Variants in RABEP1 observed in about 807,000 individuals in gnomAD.
RABEP1 encodes the protein rabaptin, RAB GTPase binding effector protein 1.
In RABEP1, 51 loss-of-function variants were observed where a neutral mutation model predicts 123.4. That is an observed-to-expected ratio of 0.41 (90% CI 0.33 to 0.52). The LOEUF (loss-of-function observed/expected upper bound fraction) is 0.52. Among genes scored for constraint, RABEP1 ranks in the 20% least tolerant of loss-of-function variants. The pLI is 0.16. For synonymous variants in RABEP1, 347 were observed against 355.2 expected (o/e 0.98, Z 0.26); for missense variants, 888 against 996.3 (o/e 0.89, Z 1.46).
At chr17:5,305,528 G>A (rs1175255930) in intron 1 of RABEP1, among the ~76,000 whole-genome samples, 3 of 152,056 alleles carry the variant, frequency 2.0e-5, no homozygotes, top group African/African-American at 7.2e-5. Context: ...TAATGTTGAG[G>A]GGTATGGGTG....
intron 1 of RABEP1, among the ~76,000 whole-genome samples, chr17:5,302,919 A>G (rs2075148598): frequency 6.6e-6 from 1 of 152,210 alleles, no homozygotes; most frequent in Admixed American, 6.5e-5. Context: ...TTGTGTTGAA[A>G]TATTTTAAGA....
In RABEP1 at chr17:5,373,441, C is replaced by T. The variant is rs1480080122; in HGVS notation, c.2012C>T (p.Pro671Leu). The T allele has an allele frequency of 6.2e-7, 1 of 1,609,848 alleles. No individual in the cohort carries two copies. Among genetic ancestry groups the T allele is most frequent in the Admixed American group, 1.7e-5 (1 of 59,086 alleles). ...SLQQAEDFIL[P>L]DTTEALRELV... ...CAGCAAGCAGAAGACTTCATCCTCC[C>T]AGACACTACAGAGGTAACTTACTTT... is the stretch of plus-strand genomic sequence containing the variant. The change falls in exon 13 of 18, where the codon CCA becomes CTA. Residue 671 changes from proline to leucine, a missense_variant. Coordinates refer to ENST00000537505, the MANE Select transcript of RABEP1 (RefSeq NM_004703.6).
intron 3 of RABEP1, among the ~76,000 whole-genome samples, chr17:5,333,493 T>C (rs750960337): frequency 1.3e-5 from 2 of 152,196 alleles, no homozygotes; most frequent in Non-Finnish European, 2.9e-5. Context: ...TGTGAAATAG[T>C]GATGACTTTT....
chr17:5,311,656 A>G (rs1372605536), intron 2 of RABEP1, among the ~76,000 whole-genome samples: 1 of 138,998 alleles, frequency 7.2e-6, no homozygotes, highest in African/African-American at 2.7e-5. Context: ...AGATTGTGCC[A>G]CTGCACTCCA....
Position 5,308,649 on chromosome 17 carries a change from A to G in RABEP1, c.35-45A>G, listed in dbSNP as rs375158160. 30 of 1,548,430 alleles carry G rather than the reference A, an allele frequency of 1.9e-5. No homozygotes were observed. In the African/African-American group the frequency reaches 4.2e-4, roughly 22 times the overall value. On this transcript the variant is annotated intron_variant, in intron 1 of 17. Transcript: ENST00000537505. Reference sequence around the variant, plus strand: ...TACTAATTTACTGTTTTATAAATTTATGAATAAAAGTTATTACTTGTTAAC... The same window carrying G: ...TACTAATTTACTGTTTTATAAATTTGTGAATAAAAGTTATTACTTGTTAAC...
At chr17:5,354,236 G>T (rs78216788) in intron 7 of RABEP1, 123 bp from the exon 8 acceptor site, 3 of 839,328 alleles carry the variant, frequency 3.6e-6, no homozygotes, top group Non-Finnish European at 5.3e-6. Flanking sequence ...ACAAAGAAGC[G>T]TAAGTATCCA....
rs368832529 is a variant in RABEP1 at position 5,381,395 on chromosome 17, G to A, written c.2377G>A (p.Val793Ile). ...LKKETAAKAT[V>I]EQLMFEEKNK... ...CAAAACTTGTATTTTTTAGGCTACC[G>A]TTGAACAACTAATGTTTGAAGAGAA... The change falls in exon 17 of 18, where the codon GTT (valine) becomes ATT (isoleucine). Residue 793 changes from valine (V) to isoleucine (I), a missense_variant. Coordinates refer to ENST00000537505, the MANE Select transcript of RABEP1 (RefSeq NM_004703.6). 176 of 1,610,530 alleles carry A rather than the reference G, an allele frequency of 1.1e-4. No individual in the cohort carries two copies. Among genetic ancestry groups the A allele is most frequent in the Non-Finnish European group, 1.3e-4 (155 of 1,178,998 alleles).
At chr17:5,364,899 G>A (rs1909881760) in intron 10 of RABEP1, among the ~76,000 whole-genome samples, 1 of 152,090 alleles carries the variant, frequency 6.6e-6, no homozygotes, top group Admixed American at 6.6e-5. Context: ...AGAAGCAGAT[G>A]TTTTCAGATG....
chr17:5,377,497 CAG>C (rs1213123140), intron 14 of RABEP1, among the ~76,000 whole-genome samples, 192 bp downstream of exon 14: 2 of 148,806 alleles, frequency 1.3e-5, no homozygotes, highest in Admixed American at 6.7e-5. Context: ...GTCAAATAAT[CAG>C]AAATTCTGGT....
rs149851455 is a variant in RABEP1, at chr17:5,378,506, C to G, written c.2271+274C>G. The G allele has an allele frequency of 4.0e-4, 206 of 514,036 alleles. 1 individual carries two copies. The highest frequency in any genetic ancestry group is 3.5e-3 in the African/African-American group (184 of 51,970). 31.8% of individuals were successfully genotyped at this position (514,036 alleles called of 1,614,324 possible). ...AGTGAGAAGATAGGCAAGGCATGGT[C>G]ATAACATGTTATATGCTTAGAGGTA... On this transcript the variant is annotated intron_variant, in intron 15 of 17. Transcript: ENST00000537505.
chr17:5,308,681 T>A lies in RABEP1; in HGVS notation c.35-13T>A, dbSNP rs1284593613. ...AAAGTTATTACTTGTTAACTAGTGT[T>A]TTTTTCCCCCAGTTTCTCTTCAGCA... On this transcript the variant is annotated splice_polypyrimidine_tract_variant and intron_variant, in intron 1 of 17. Transcript: ENST00000537505. 6.2e-7 allele frequency: 1 copy of A among 1,602,212 alleles called. No individual in the cohort carries two copies. The highest frequency in any genetic ancestry group is 1.3e-5 in the African/African-American group (1 of 74,190).
At chr17:5,358,845 C>T (rs564029745) in intron 8 of RABEP1, among the ~76,000 whole-genome samples, 9 of 152,248 alleles carry the variant, frequency 5.9e-5, no homozygotes, top group Admixed American at 3.3e-4. Context: ...ACTACAGCCC[C>T]GATCTCCTGG....
At position 5,386,319 on chromosome 17, in the gene RABEP1, T is replaced by C. The variant is rs757050648; in HGVS notation, c.*3096T>C. The C allele has an allele frequency of 3.0e-6, 4 of 1,346,632 alleles. No individual in the cohort carries two copies. Among genetic ancestry groups the C allele is most frequent in the Non-Finnish European group, 4.2e-6 (4 of 956,236 alleles). 83.4% of individuals were successfully genotyped at this position (1,346,632 alleles called of 1,614,324 possible). A position where few individuals can be genotyped will look rare whatever the true frequency, so the allele number is the denominator to read the frequency against. On this transcript the variant is annotated 3_prime_UTR_variant, in exon 18 of 18. Coordinates refer to ENST00000537505, the MANE Select transcript of RABEP1 (RefSeq NM_004703.6). ...TTTTGGAATTATAATAAACCATTTA[T>C]ATGGATTCTTAAGAATTTAAACTGG...
At chr17:5,372,356 A>G (rs1910586345) in intron 12 of RABEP1, among the ~76,000 whole-genome samples, 1 of 152,120 alleles carries the variant, frequency 6.6e-6, no homozygotes. Flanking sequence ...GAGGCAGGAG[A>G]ATCACTTGAA....
intron 1 of RABEP1, among the ~76,000 whole-genome samples, chr17:5,305,108 G>A (rs1345422064): frequency 6.6e-6 from 1 of 152,048 alleles, no homozygotes; most frequent in Non-Finnish European, 1.5e-5. Context: ...ATTTGTGGTT[G>A]GTTGCTAATG....
At chr17:5,380,114 C>A (rs1173846605) in intron 15 of RABEP1, among the ~76,000 whole-genome samples, 1 of 152,156 alleles carries the variant, frequency 6.6e-6, no homozygotes, top group Non-Finnish European at 1.5e-5. Flanking sequence ...TTTCTTCATC[C>A]TTTACATGTC....
At chr17:5,291,584 G>A (rs951323448) in intron 1 of RABEP1, among the ~76,000 whole-genome samples, 1 of 152,074 alleles carries the variant, frequency 6.6e-6, no homozygotes, top group African/African-American at 2.4e-5. Flanking sequence ...GTTTCCCTGT[G>A]TTGTAAGTTT....
chr17:5,325,420 G>A (rs1254469146), intron 2 of RABEP1, among the ~76,000 whole-genome samples: 2 of 152,134 alleles, frequency 1.3e-5, no homozygotes, highest in Non-Finnish European at 2.9e-5. Context: ...AATGAAATAA[G>A]CCAAGCACTG....
chr17:5,302,656 A>T, intron 1 of RABEP1, among the ~76,000 whole-genome samples: 1 of 132,474 alleles, frequency 7.5e-6, no homozygotes, highest in African/African-American at 3.0e-5. Flanking sequence ...TCAACCTCCC[A>T]GGCGCAAGCG....
Sources: allele counts gnomAD v4.1 joint callset (sites outside exome capture counted in the v4.1 genomes callset), GRCh38; gene constraint gnomAD v4.1.1; transcripts MANE v1.5; gene names NCBI Gene and HGNC (gene_info 2026-07-23, HGNC 2026-07-21).